NAV3: variants seen among roughly 807,000 people sequenced by gnomAD.
NAV3 encodes the protein pore membrane and/or filament interacting like protein 1.
In NAV3, 87 loss-of-function variants were observed where a neutral mutation model predicts 244.7. The ratio of observed to expected loss-of-function variants is 0.36; its 90% confidence interval spans 0.30 to 0.42. NAV3 has a LOEUF of 0.42. Ranked by LOEUF, NAV3 falls within the 20% of genes least tolerant of loss-of-function variation. NAV3 has a pLI of 1.00. For missense variants in NAV3, 2,663 were observed against 2,893.3 expected, an observed-to-expected ratio of 0.92 and a Z score of 1.83; for synonymous variants, 1,126 against 1,042.2, an observed-to-expected ratio of 1.08 and a Z score of -1.55.
intron 12 of NAV3, among the ~76,000 whole-genome samples, chr12:78,077,948 A>G (rs1429864521): frequency 6.6e-6 from 1 of 152,182 alleles, no homozygotes; most frequent in Non-Finnish European, 1.5e-5. Flanking sequence ...TCAAAAACAA[A>G]AAACAGAAAC....
chr12:77,866,855 AT>A (rs1347847336), intron 1 of NAV3, among the ~76,000 whole-genome samples: 1 of 152,230 alleles, frequency 6.6e-6, no homozygotes, highest in Non-Finnish European at 1.5e-5. Context: ...ATGAAAATAA[AT>A]TTTTGAAAAC....
intron 2 of NAV3, among the ~76,000 whole-genome samples, chr12:77,812,847 G>A (rs1442343041): frequency 6.6e-6 from 1 of 152,024 alleles, no homozygotes; most frequent in East Asian, 1.9e-4. Flanking sequence ...TTAGTTTAGA[G>A]ACAGAGTCTC....
intron 24 of NAV3, among the ~76,000 whole-genome samples, chr12:78,169,318 G>A (rs1957906352): frequency 6.6e-6 from 1 of 151,648 alleles, no homozygotes; most frequent in South Asian, 2.1e-4. Context: ...CCTGGATGGA[G>A]GCTATAAAAA....
intron 5 of NAV3, among the ~76,000 whole-genome samples, chr12:77,978,624 CT>C (rs1868942379): frequency 6.6e-6 from 1 of 151,990 alleles, no homozygotes; most frequent in Non-Finnish European, 1.5e-5. Context: ...ATTTATTCAT[CT>C]GTTTTCTACT....
chr12:77,616,904 G>C (rs186713807), intron 2 of NAV3, among the ~76,000 whole-genome samples: 74 of 152,196 alleles, frequency 4.9e-4, no homozygotes, highest in Non-Finnish European at 1.0e-3. Flanking sequence ...ACTGCTAATA[G>C]ACTTGAATTA....
chr12:77,820,903 T>C (rs1872714578), intron 2 of NAV3, among the ~76,000 whole-genome samples: 1 of 152,172 alleles, frequency 6.6e-6, no homozygotes, highest in Non-Finnish European at 1.5e-5. Context: ...TTACACAAAA[T>C]AATAGAAGAG....
chr12:78,029,592 G>T (rs1878636017), intron 9 of NAV3, among the ~76,000 whole-genome samples: 1 of 152,034 alleles, frequency 6.6e-6, no homozygotes, highest in Admixed American at 6.6e-5. Context: ...CCACTTCCCA[G>T]TCCCTCAACT....
chr12:78,181,787 G>A (rs1040766560), intron 30 of NAV3, among the ~76,000 whole-genome samples: 3 of 151,966 alleles, frequency 2.0e-5, no homozygotes, highest in Non-Finnish European at 1.5e-5. Flanking sequence ...CCTAGCCAAC[G>A]TTAGATTCCA....
intron 12 of NAV3, among the ~76,000 whole-genome samples, chr12:78,074,914 C>G (rs1952967340): frequency 6.6e-6 from 1 of 152,148 alleles, no homozygotes; most frequent in Non-Finnish European, 1.5e-5. Flanking sequence ...AGATAACTGT[C>G]TCTTTTCTAT....
intron 2 of NAV3, among the ~76,000 whole-genome samples, chr12:77,732,935 A>G (rs1877187389): frequency 6.6e-6 from 1 of 152,016 alleles, no homozygotes; most frequent in Non-Finnish European, 1.5e-5. Flanking sequence ...GAATTGGTGG[A>G]GGAAGAGTGT....
chr12:78,066,437 C>G (rs1177157900), intron 12 of NAV3, among the ~76,000 whole-genome samples: 1 of 152,054 alleles, frequency 6.6e-6, no homozygotes, highest in East Asian at 1.9e-4. Flanking sequence ...GTAGATGATT[C>G]ATCCAGGTAG....
rs576328216 is a variant in NAV3 at position 77,897,074 on chromosome 12, C to T, written c.244-43245C>T. ...TGCTCCAGACCTGGTGAAACACAAT[C>T]TGCATTTGAACAAGCCCACACATGA... On this transcript the variant is annotated intron_variant, in intron 1 of 39. Coordinates refer to ENST00000397909, the MANE Select transcript of NAV3 (RefSeq NM_001024383.2). Among the ~76,000 whole-genome samples, 3 of 152,258 alleles carry T rather than the reference C, an allele frequency of 2.0e-5. No individual in the cohort carries two copies. The South Asian group carries it at 6.2e-4, about 32-fold the overall frequency.
Position 78,029,625 on chromosome 12 carries a change from TA to T in NAV3, c.2023+7773del, listed in dbSNP as rs530715742. On this transcript the variant is annotated intron_variant, in intron 9 of 39. Coordinates refer to ENST00000397909, the MANE Select transcript of NAV3 (RefSeq NM_001024383.2). ...ACTGCTTCTGATGTTTCTTCTCACC[TA>T]AAAAAAAAATACAGTGTACAGTAAC... 3.4e-4 allele frequency among the ~76,000 whole-genome samples: 50 copies of T among 149,016 alleles called. No homozygotes were observed. The Middle Eastern group carries it at 0.01, about 31-fold the overall frequency.
chr12:77,591,313 T>G (rs566682862), intron 2 of NAV3, among the ~76,000 whole-genome samples: 2 of 152,374 alleles, frequency 1.3e-5, no homozygotes, highest in East Asian at 3.9e-4. Context: ...TTTACTTCTA[T>G]GATTGATAGG....
intron 2 of NAV3, among the ~76,000 whole-genome samples, chr12:77,650,969 T>G (rs1872794780): frequency 6.6e-6 from 1 of 152,128 alleles, no homozygotes. Context: ...TTCCATTTTT[T>G]ATAAATATAT....
At chr12:77,775,543 T>C (rs901003506) in intron 2 of NAV3, among the ~76,000 whole-genome samples, 1 of 152,232 alleles carries the variant, frequency 6.6e-6, no homozygotes, top group Non-Finnish European at 1.5e-5. Flanking sequence ...TGTTATCTTA[T>C]CCTTTCCTCA....
chr12:77,592,819 C>A (rs1319332931), intron 2 of NAV3, among the ~76,000 whole-genome samples: 1 of 152,186 alleles, frequency 6.6e-6, no homozygotes, highest in South Asian at 2.1e-4. Flanking sequence ...TTTATCAGAT[C>A]ATTTCATACA....
chr12:77,839,859 C>T (rs967519655), intron 1 of NAV3, among the ~76,000 whole-genome samples: 1 of 152,100 alleles, frequency 6.6e-6, no homozygotes, highest in Non-Finnish European at 1.5e-5. Flanking sequence ...CACCTGAGGT[C>T]AGGAGTTCAT....
chr12:77,778,206 C>T (rs1195123503), intron 2 of NAV3, among the ~76,000 whole-genome samples: 1 of 141,434 alleles, frequency 7.1e-6, no homozygotes, highest in Non-Finnish European at 1.5e-5. Flanking sequence ...CCCTCCTCTC[C>T]CCTCTCCTTT....
Sources: gnomAD v4.1 joint callset for allele counts (sites outside exome capture counted in the v4.1 genomes callset) on GRCh38, gnomAD v4.1.1 for gene constraint, MANE v1.5 for transcripts, NCBI Gene and HGNC (gene_info 2026-07-23, HGNC 2026-07-21) for gene names.